RNF115: variants seen among roughly 807,000 people sequenced by gnomAD.
The protein encoded by RNF115 is E3 ubiquitin-protein ligase RNF115.
In RNF115, 31 loss-of-function variants were observed where a neutral mutation model predicts 39.2. That is an observed-to-expected ratio of 0.79 (90% CI 0.59 to 1.07). The LOEUF (loss-of-function observed/expected upper bound fraction) is 1.07, where lower values mean the gene tolerates loss of function less well. Ranked by LOEUF, RNF115 falls within the 50% of genes least tolerant of loss-of-function variation. The pLI, the probability that RNF115 is intolerant of heterozygous loss-of-function variation, is 0.00. For synonymous variants in RNF115, 124 were observed against 131.0 expected (o/e 0.95, Z 0.37); for missense variants, 384 against 381.7 (o/e 1.01, Z -0.05).
At position 145,759,142 on chromosome 1, in the gene RNF115, A is replaced by G. The variant is rs147230177; in HGVS notation, c.429-6093T>C. 8.8e-3 allele frequency among the ~76,000 whole-genome samples: 1,335 copies of G among 152,170 alleles called. 25 individuals are homozygous for G. The highest frequency in any genetic ancestry group is 0.031 in the African/African-American group (1,275 of 41,488). ...CAGTCTCCTTTGCTTATTCTTCCTT[A>G]TCTTCCAAACTTCTAACCATCGAGG... On this transcript the variant is annotated intron_variant, in intron 4 of 8. Transcript: ENST00000582693.
chr1:145,803,668 G>C (rs995863855), intron 1 of RNF115, among the ~76,000 whole-genome samples: 4 of 152,202 alleles, frequency 2.6e-5, no homozygotes, highest in Admixed American at 2.6e-4. Context: ...GATTAGAGGC[G>C]TGAGCCACCG....
At chr1:145,816,951 G>T (rs1223801954) in intron 1 of RNF115, among the ~76,000 whole-genome samples, 9 of 81,316 alleles carry the variant, frequency 1.1e-4, no homozygotes, top group African/African-American at 3.3e-4. Flanking sequence ...TATTTTTTTT[G>T]TTGAGACAGG....
chr1:145,751,380 G>A, intron 6 of RNF115, 58 bp downstream of exon 6: 10 of 1,185,866 alleles, frequency 8.4e-6, no homozygotes, highest in Non-Finnish European at 1.2e-5. Flanking sequence ...AGGAAAGCAG[G>A]AAGCCTGTGG....
In RNF115 at chr1:145,744,657, A is replaced by G. The variant is rs587750556; in HGVS notation, c.*2209T>C. ...GTATGATAGTCAACAAAAACTGAGG[A>G]AAGACTTCTAGCCAAGAAAAAGACC... is the stretch of plus-strand genomic sequence containing the variant. On this transcript the variant is annotated 3_prime_UTR_variant, in exon 9 of 9. Coordinates refer to ENST00000582693, the MANE Select transcript of RNF115 (RefSeq NM_014455.4). 1.3e-5 allele frequency: 2 copies of G among 152,356 alleles called. No homozygotes were observed. The highest frequency in any genetic ancestry group is 2.9e-5 in the Non-Finnish European group (2 of 68,034). 9.4% of individuals were successfully genotyped at this position (152,356 alleles called of 1,614,324 possible).
chr1:145,816,617 A>G (rs1214272085), intron 1 of RNF115, among the ~76,000 whole-genome samples: 3 of 131,118 alleles, frequency 2.3e-5, no homozygotes, highest in African/African-American at 7.7e-5. Context: ...AGACCTTCCC[A>G]TTGAATGGGT....
chr1:145,771,610 C>T (rs1647642886), intron 4 of RNF115, 101 bp downstream of exon 4: 1 of 900,496 alleles, frequency 1.1e-6, no homozygotes, highest in Non-Finnish European at 1.7e-6. Flanking sequence ...TCCATCTTGT[C>T]CACAAAGGTA....
intron 7 of RNF115, among the ~76,000 whole-genome samples, chr1:145,749,427 T>C (rs1344486204): frequency 6.6e-6 from 1 of 152,084 alleles, no homozygotes; most frequent in Non-Finnish European, 1.5e-5. Flanking sequence ...AATCAACAAA[T>C]TAAAAAATGT....
At chr1:145,759,867 C>T (rs1658436133) in intron 4 of RNF115, among the ~76,000 whole-genome samples, 1 of 152,158 alleles carries the variant, frequency 6.6e-6, no homozygotes, top group Admixed American at 6.5e-5. Context: ...TCCATCCCTA[C>T]ACTTCCTTGG....
chr1:145,763,935 C>G (rs1658638763), intron 4 of RNF115, among the ~76,000 whole-genome samples: 1 of 143,560 alleles, frequency 7.0e-6, no homozygotes, highest in South Asian at 2.4e-4. Context: ...CCCTCTCCCT[C>G]TCTTGCCATG....
rs180756199 is a variant in RNF115 at position 145,784,621 on chromosome 1, G to A, written c.162-25C>T. 123 of 1,607,940 alleles carry A rather than the reference G, an allele frequency of 7.6e-5. No individual in the cohort carries two copies. In the African/African-American group the frequency reaches 1.1e-3, roughly 14 times the overall value. ...ACTAAAGAGAAAAGGAATGAGTGGTGATTCTATTCCCAGGAACAAGCTCCC... is the reference window on the plus strand; with the variant it reads ...ACTAAAGAGAAAAGGAATGAGTGGTAATTCTATTCCCAGGAACAAGCTCCC... On this transcript the variant is annotated intron_variant, in intron 2 of 8. Coordinates refer to ENST00000582693, the MANE Select transcript of RNF115 (RefSeq NM_014455.4).
chr1:145,799,217 G>A (rs587625459), intron 1 of RNF115, among the ~76,000 whole-genome samples: 1 of 151,994 alleles, frequency 6.6e-6, no homozygotes, highest in African/African-American at 2.4e-5. Context: ...ACAAATGCCT[G>A]CCATCATGCC....
At chr1:145,775,396 CTTTTT>C (rs782425915) in intron 3 of RNF115, among the ~76,000 whole-genome samples, 3 of 137,104 alleles carry the variant, frequency 2.2e-5, no homozygotes, top group Admixed American at 7.3e-5. Flanking sequence ...TGAATGTGGC[CTTTTT>C]TTTTTTTTTT....
chr1:145,808,121 T>G (rs1327972430), intron 1 of RNF115, among the ~76,000 whole-genome samples: 2 of 152,204 alleles, frequency 1.3e-5, no homozygotes, highest in Non-Finnish European at 2.9e-5. Flanking sequence ...TGATTCCGTC[T>G]TTGCTGCTGT....
intron 4 of RNF115, among the ~76,000 whole-genome samples, chr1:145,758,061 C>T (rs1017929494): frequency 2.6e-5 from 4 of 152,186 alleles, no homozygotes; most frequent in Admixed American, 1.3e-4. Context: ...TTTTAAAATA[C>T]ATCCATAAAT....
chr1:145,793,311 T>C (rs2101577262), intron 1 of RNF115, among the ~76,000 whole-genome samples: 1 of 152,322 alleles, frequency 6.6e-6, no homozygotes, highest in South Asian at 2.1e-4. Flanking sequence ...AGCGAGACCC[T>C]GTATCAAAAA....
intron 4 of RNF115, among the ~76,000 whole-genome samples, chr1:145,765,184 T>C (rs587628191): frequency 2.4e-3 from 370 of 152,318 alleles, no homozygotes; most frequent in African/African-American, 8.4e-3. Context: ...TTAAGGGCGG[T>C]GCAAGATGTG....
At chr1:145,803,407 T>A (rs1380613743) in intron 1 of RNF115, among the ~76,000 whole-genome samples, 11 of 152,196 alleles carry the variant, frequency 7.2e-5, no homozygotes, top group Non-Finnish European at 1.6e-4. Context: ...TTATTTATTT[T>A]GAGACTGAGT....
chr1:145,784,192 A>T (rs1284965204), intron 3 of RNF115, among the ~76,000 whole-genome samples: 1 of 152,226 alleles, frequency 6.6e-6, no homozygotes, highest in Non-Finnish European at 1.5e-5. Context: ...TTGTCACACC[A>T]CTAAAGCAGA....
intron 4 of RNF115, among the ~76,000 whole-genome samples, chr1:145,768,048 A>C (rs1338682869): frequency 6.6e-6 from 1 of 152,214 alleles, no homozygotes; most frequent in Non-Finnish European, 1.5e-5. Context: ...ACCCCTGAGA[A>C]ACAAAGGCCC....
Sources: gnomAD v4.1 joint callset for allele counts (sites outside exome capture counted in the v4.1 genomes callset) on GRCh38, gnomAD v4.1.1 for gene constraint, MANE v1.5 for transcripts, NCBI Gene and HGNC (gene_info 2026-07-23, HGNC 2026-07-21) for gene names.